Variants in CDH12 observed in about 807,000 individuals in gnomAD.
CDH12 encodes the protein cadherin 12.
Under a neutral mutation model 74.1 loss-of-function variants are expected in CDH12, and 41 were observed. That is an observed-to-expected ratio of 0.55 (90% confidence interval 0.43 to 0.72). The LOEUF (loss-of-function observed/expected upper bound fraction) is 0.72. CDH12 is among the 30% of genes least tolerant of loss of function. The probability of loss-of-function intolerance (pLI) is 0.00; values close to 1 mark genes in which losing one functional copy is unlikely to be tolerated. For synonymous variants in CDH12, 399 were observed against 355.0 expected (o/e 1.12, Z -1.39); for missense variants, 945 against 977.2 (o/e 0.97, Z 0.44).
chr5:22,003,824 CAAAAAAAAA>C (rs775995801), intron 5 of CDH12, among the ~76,000 whole-genome samples: 1 of 47,396 alleles, frequency 2.1e-5, no homozygotes, highest in African/African-American at 7.6e-5. Context: ...CCCGCTTCCA[CAAAAAAAAA>C]AAAAAAAAAA....
At chr5:21,836,112 TTTA>T (rs1749517402) in intron 8 of CDH12, among the ~76,000 whole-genome samples, 1 of 151,848 alleles carries the variant, frequency 6.6e-6, no homozygotes, top group Non-Finnish European at 1.5e-5. Context: ...CTACTTCAAT[TTTA>T]TTTTGATTTT....
chr5:22,268,952 T>A (rs1477725896), intron 3 of CDH12, among the ~76,000 whole-genome samples: 1 of 152,076 alleles, frequency 6.6e-6, no homozygotes, highest in Non-Finnish European at 1.5e-5. Flanking sequence ...GTTAATATAG[T>A]GGTTAAGATC....
intron 1 of CDH12, among the ~76,000 whole-genome samples, chr5:22,738,074 C>A (rs1744832080): frequency 1.3e-5 from 2 of 151,772 alleles, no homozygotes; most frequent in Non-Finnish European, 2.9e-5. Flanking sequence ...AAGTGAGAGC[C>A]CAGTCAGAGT....
intron 1 of CDH12, among the ~76,000 whole-genome samples, chr5:22,828,226 T>A (rs1487124603): frequency 6.6e-6 from 1 of 152,130 alleles, no homozygotes; most frequent in African/African-American, 2.4e-5. Flanking sequence ...GTTCAGTGAA[T>A]CTGAGAAGAA....
chr5:22,627,322 T>C (rs1419306037), intron 1 of CDH12, among the ~76,000 whole-genome samples: 1 of 151,684 alleles, frequency 6.6e-6, no homozygotes, highest in Admixed American at 6.6e-5. Flanking sequence ...AAGAAAAATA[T>C]ATTAAAAACA....
chr5:22,065,975 T>C (rs1741528177), intron 5 of CDH12, among the ~76,000 whole-genome samples: 1 of 151,934 alleles, frequency 6.6e-6, no homozygotes, highest in Non-Finnish European at 1.5e-5. Context: ...AACAGAAAGG[T>C]TCTAGGTCAG....
At chr5:22,123,570 A>C (rs1745650101) in intron 4 of CDH12, among the ~76,000 whole-genome samples, 1 of 152,234 alleles carries the variant, frequency 6.6e-6, no homozygotes, top group East Asian at 1.9e-4. Context: ...TTGAAAGACA[A>C]AAATTCCATC....
At chr5:22,288,987 T>A (rs1200395319) in intron 3 of CDH12, among the ~76,000 whole-genome samples, 1 of 152,096 alleles carries the variant, frequency 6.6e-6, no homozygotes, top group African/African-American at 2.4e-5. Flanking sequence ...GAAACCAGCC[T>A]GGCCTACATA....
intron 6 of CDH12, among the ~76,000 whole-genome samples, chr5:21,890,411 T>A (rs1752843629): frequency 6.6e-6 from 1 of 152,106 alleles, no homozygotes; most frequent in Non-Finnish European, 1.5e-5. Flanking sequence ...CCCCAGAAAG[T>A]CAATTATTTG....
At chr5:22,136,350 A>G (rs1445782011) in intron 4 of CDH12, among the ~76,000 whole-genome samples, 2 of 151,782 alleles carry the variant, frequency 1.3e-5, no homozygotes, top group Admixed American at 6.6e-5. Flanking sequence ...AAAAAACACA[A>G]CTCTCAATTT....
At chr5:22,317,498 C>A (rs1175889195) in intron 3 of CDH12, among the ~76,000 whole-genome samples, 1 of 151,986 alleles carries the variant, frequency 6.6e-6, no homozygotes, top group African/African-American at 2.4e-5. Context: ...GATTATAAGA[C>A]AACCAACCAT....
chr5:22,154,351 A>G (rs1747853959), intron 4 of CDH12, among the ~76,000 whole-genome samples: 1 of 151,122 alleles, frequency 6.6e-6, no homozygotes, highest in African/African-American at 2.4e-5. Context: ...TTTCTGCATA[A>G]TTGAAAATTT....
Position 21,926,815 on chromosome 5 carries a change from ACAAC to A in CDH12, c.526+48272_526+48275del, listed in dbSNP as rs532042109. 4.6e-5 allele frequency among the ~76,000 whole-genome samples: 7 copies of A among 152,314 alleles called. No individual in the cohort carries two copies. In the East Asian group the frequency reaches 1.4e-3, roughly 29 times the overall value. On this transcript the variant is annotated intron_variant, in intron 6 of 14. Transcript: ENST00000382254. ...CGAGTGCATGCAGGTAGAACTGTGT[ACAAC>A]AATAGAGGTGATGGTAGAATGTTCT...
intron 5 of CDH12, among the ~76,000 whole-genome samples, chr5:22,058,045 C>CT (rs56741220): frequency 2.9e-5 from 4 of 139,956 alleles, no homozygotes; most frequent in African/African-American, 7.9e-5. Flanking sequence ...ATCTATCTAT[C>CT]ATCTATCTTT....
At chr5:22,427,165 TAAAGGG>T (rs1743975122) in intron 2 of CDH12, among the ~76,000 whole-genome samples, 1 of 152,144 alleles carries the variant, frequency 6.6e-6, no homozygotes. Context: ...TTTTAGAGAA[TAAAGGG>T]AATACTTTTT....
At chr5:21,780,613 A>G (rs1463536407) in intron 11 of CDH12, among the ~76,000 whole-genome samples, 1 of 152,324 alleles carries the variant, frequency 6.6e-6, no homozygotes, top group Non-Finnish European at 1.5e-5. Flanking sequence ...TTTTCTACTG[A>G]ATAATCTTTT....
At chr5:22,023,308 T>C (rs1440083521) in intron 5 of CDH12, among the ~76,000 whole-genome samples, 1 of 152,152 alleles carries the variant, frequency 6.6e-6, no homozygotes, top group South Asian at 2.1e-4. Context: ...ACATTTTTTA[T>C]TTTAATACCC....
chr5:22,525,289 T>C (rs1462324234), intron 1 of CDH12, among the ~76,000 whole-genome samples: 1 of 152,160 alleles, frequency 6.6e-6, no homozygotes, highest in African/African-American at 2.4e-5. Context: ...TGTGTCTTTA[T>C]AGCAGCACAT....
chr5:21,772,782 CAT>C (rs1197153443), intron 11 of CDH12, among the ~76,000 whole-genome samples: 1 of 152,168 alleles, frequency 6.6e-6, no homozygotes, highest in East Asian at 1.9e-4. Flanking sequence ...ATTTTATCTA[CAT>C]GTCTAAATAT....
Sources: gnomAD v4.1 joint callset for allele counts (sites outside exome capture counted in the v4.1 genomes callset) on GRCh38, gnomAD v4.1.1 for gene constraint, MANE v1.5 for transcripts, NCBI Gene and HGNC (gene_info 2026-07-23, HGNC 2026-07-21) for gene names.